Variants in PTPRD observed in about 807,000 individuals in gnomAD.
The protein encoded by PTPRD is protein tyrosine phosphatase receptor type D, also known as receptor-type tyrosine-protein phosphatase delta.
PTPRD carries 34 observed loss-of-function variants against 214.5 expected under a neutral mutation model. The ratio of observed to expected loss-of-function variants is 0.16; its 90% confidence interval spans 0.12 to 0.21. The LOEUF (loss-of-function observed/expected upper bound fraction) is 0.21. Ranked by LOEUF, PTPRD falls within the 10% of genes least tolerant of loss-of-function variation. The pLI is 1.00. For missense variants in PTPRD, 2,545 were observed against 2,398.7 expected, an observed-to-expected ratio of 1.06 and a Z score of -1.27; for synonymous variants, 1,128 against 845.7, an observed-to-expected ratio of 1.33 and a Z score of -5.79.
intron 8 of PTPRD, among the ~76,000 whole-genome samples, chr9:9,442,644 T>C (rs10977750): frequency 0.14 from 21,105 of 151,948 alleles, 1,570 homozygotes; most frequent in Middle Eastern, 0.29. Context: ...TGCATGTGAG[T>C]TTGGGGGATT....
At chr9:8,497,201 T>G (rs1271209430) in intron 26 of PTPRD, 41 bp downstream of exon 26, 3 of 1,535,630 alleles carry the variant, frequency 2.0e-6, no homozygotes, top group Non-Finnish European at 2.7e-6. Flanking sequence ...AAAACAAGCA[T>G]ATATAGTCTG....
At chr9:10,163,141 G>C (rs1354584294) in intron 3 of PTPRD, among the ~76,000 whole-genome samples, 1 of 146,526 alleles carries the variant, frequency 6.8e-6, no homozygotes, top group East Asian at 1.9e-4. Flanking sequence ...ATTCTACTGA[G>C]TGTCATTGTT....
At chr9:8,729,175 TACAA>T (rs376989738) in intron 12 of PTPRD, among the ~76,000 whole-genome samples, 8 of 152,236 alleles carry the variant, frequency 5.3e-5, no homozygotes, top group African/African-American at 1.4e-4. Flanking sequence ...GAGGCAACCG[TACAA>T]ACAGAGGAAA....
chr9:8,637,611 A>T (rs2096473748), intron 12 of PTPRD, among the ~76,000 whole-genome samples: 1 of 152,238 alleles, frequency 6.6e-6, no homozygotes, highest in Non-Finnish European at 1.5e-5. Context: ...CTTCTTTAAA[A>T]AACTTACTTA....
chr9:9,788,138 G>A (rs1027281524), intron 5 of PTPRD, among the ~76,000 whole-genome samples: 21 of 151,830 alleles, frequency 1.4e-4, no homozygotes, highest in African/African-American at 4.4e-4. Context: ...AAATCATGAA[G>A]TTATAATTTT....
chr9:8,744,393 A>G (rs1345248567), intron 11 of PTPRD, among the ~76,000 whole-genome samples: 1 of 152,270 alleles, frequency 6.6e-6, no homozygotes, highest in Non-Finnish European at 1.5e-5. Context: ...ATATGGAACC[A>G]GCCCAAATGC....
intron 3 of PTPRD, among the ~76,000 whole-genome samples, chr9:10,194,345 TAGAGAGAGAGAGAGAGAGAGAGAGAGAG>T (rs1182799154): frequency 0.033 from 1,297 of 39,824 alleles, 18 homozygotes; most frequent in East Asian, 0.083. Context: ...TATATATATA[TAGAGAGAGAGAGAGAGAGAGAGAGAGAG>T]AGAGAGAGAG....
chr9:8,848,006 T>C (rs975319253), intron 11 of PTPRD, among the ~76,000 whole-genome samples: 3 of 152,108 alleles, frequency 2.0e-5, no homozygotes, highest in African/African-American at 7.2e-5. Flanking sequence ...TCTGATTTCT[T>C]ACCTGTTGGG....
At chr9:9,237,467 C>G (rs1232226521) in intron 9 of PTPRD, among the ~76,000 whole-genome samples, 1 of 152,010 alleles carries the variant, frequency 6.6e-6, no homozygotes, top group Non-Finnish European at 1.5e-5. Flanking sequence ...CTATCCTTAT[C>G]TCAAAAACTG....
intron 11 of PTPRD, among the ~76,000 whole-genome samples, chr9:8,872,114 T>A (rs1257513000): frequency 6.6e-6 from 1 of 152,184 alleles, no homozygotes; most frequent in Non-Finnish European, 1.5e-5. Flanking sequence ...GAAAAGTTTA[T>A]AACAAGTGGT....
chr9:8,781,643 T>C (rs891097649), intron 11 of PTPRD, among the ~76,000 whole-genome samples: 3 of 111,540 alleles, frequency 2.7e-5, no homozygotes, highest in Non-Finnish European at 5.3e-5. Context: ...TTTGCAATAA[T>C]GGACTCTGGG....
rs779613635 is a variant in PTPRD, at chr9:8,437,379, C to T, written c.3989-690G>A. The T allele has an allele frequency of 3.9e-4, 246 of 635,222 alleles. 1 individual carries two copies. Among genetic ancestry groups the T allele is most frequent in the Middle Eastern group, 9.0e-4 (2 of 2,230 alleles). The allele number at this position is 635,222 out of a possible 1,614,324, so 39.3% of individuals were successfully genotyped here. On this transcript the variant is annotated intron_variant, in intron 34 of 45. Coordinates refer to ENST00000381196, the MANE Select transcript of PTPRD (RefSeq NM_002839.4). Reference sequence around the variant, plus strand: ...TTACAGAATTCACTATACATTGTGGCTAGTACAATGTGACTACTACATTAA... The same window carrying T: ...TTACAGAATTCACTATACATTGTGGTTAGTACAATGTGACTACTACATTAA...
intron 12 of PTPRD, among the ~76,000 whole-genome samples, chr9:8,698,617 G>A (rs2097989081): frequency 6.6e-6 from 1 of 152,142 alleles, no homozygotes; most frequent in Admixed American, 6.5e-5. Flanking sequence ...TTTAAACTCA[G>A]GAAGGCTGTA....
chr9:10,423,696 A>T (rs547657580), intron 2 of PTPRD, among the ~76,000 whole-genome samples: 7 of 151,960 alleles, frequency 4.6e-5, no homozygotes, highest in Non-Finnish European at 8.8e-5. Context: ...ATTGGGTAGC[A>T]TTAAATTATG....
At chr9:9,275,126 T>C (rs1294934005) in intron 9 of PTPRD, among the ~76,000 whole-genome samples, 1 of 58,730 alleles carries the variant, frequency 1.7e-5, no homozygotes, top group Admixed American at 3.0e-4. Flanking sequence ...ATATTATATA[T>C]ATTATATATA....
chr9:8,379,091 G>C lies in PTPRD; in HGVS notation c.4387-2365C>G, dbSNP rs144284730. ...GTTGCTTTTGAACAATGCATTTTTA[G>C]TATTTACCAAAAGAAAAATAAACAT... On this transcript the variant is annotated intron_variant, in intron 37 of 45. Coordinates refer to ENST00000381196, the MANE Select transcript of PTPRD (RefSeq NM_002839.4). Among the ~76,000 whole-genome samples the C allele has an allele frequency of 1.2e-3, 183 of 152,212 alleles. 1 individual carries two copies. The highest frequency in any genetic ancestry group is 4.0e-3 in the African/African-American group (167 of 41,532).
chr9:9,175,626 A>ACAAAC (rs775680535), intron 10 of PTPRD, among the ~76,000 whole-genome samples: 3 of 81,732 alleles, frequency 3.7e-5, no homozygotes, highest in Non-Finnish European at 8.3e-5. Flanking sequence ...CTGTCTCAAA[A>ACAAAC]AAAAAAAAAA....
intron 2 of PTPRD, among the ~76,000 whole-genome samples, chr9:10,390,597 A>T (rs1018013331): frequency 1.1e-4 from 17 of 151,790 alleles, no homozygotes; most frequent in Non-Finnish European, 2.5e-4. Flanking sequence ...GCTTAAGGAA[A>T]TCTGGAAGAA....
intron 26 of PTPRD, among the ~76,000 whole-genome samples, chr9:8,495,972 C>G (rs996963327): frequency 2.6e-5 from 4 of 152,114 alleles, no homozygotes; most frequent in Admixed American, 1.3e-4. Context: ...TTTAGCTTGA[C>G]TCTTCTGGTT....
Sources: gnomAD v4.1 joint callset for allele counts (sites outside exome capture counted in the v4.1 genomes callset) on GRCh38, gnomAD v4.1.1 for gene constraint, MANE v1.5 for transcripts, NCBI Gene and HGNC (gene_info 2026-07-23, HGNC 2026-07-21) for gene names.